Variants in PRKG1 observed in about 807,000 individuals in gnomAD.
The protein encoded by PRKG1 is protein kinase cGMP-dependent 1.
In PRKG1, 35 loss-of-function variants were observed where a neutral mutation model predicts 88.1. The observed-to-expected ratio is 0.40, with a 90% CI of 0.30 to 0.53. The LOEUF (loss-of-function observed/expected upper bound fraction) is 0.53. Among genes scored for constraint, PRKG1 ranks in the 20% least tolerant of loss-of-function variants. PRKG1 has a pLI of 0.59. For missense variants in PRKG1, 540 were observed against 839.8 expected, an observed-to-expected ratio of 0.64 and a Z score of 4.41; for synonymous variants, 303 against 292.5, an observed-to-expected ratio of 1.04 and a Z score of -0.37.
intron 7 of PRKG1, among the ~76,000 whole-genome samples, chr10:52,104,763 T>G (rs575276060): frequency 6.6e-6 from 1 of 152,208 alleles, no homozygotes; most frequent in Non-Finnish European, 1.5e-5. Flanking sequence ...TATTAATTAC[T>G]CTATTAATTT....
chr10:51,927,878 T>C (rs1259001884), intron 5 of PRKG1, among the ~76,000 whole-genome samples: 3 of 152,214 alleles, frequency 2.0e-5, no homozygotes, highest in Non-Finnish European at 4.4e-5. Flanking sequence ...TGGTTTTATA[T>C]GAAGTTTTTG....
At chr10:51,983,512 A>C (rs74132877) in intron 5 of PRKG1, among the ~76,000 whole-genome samples, 14,364 of 152,204 alleles carry the variant, frequency 0.094, 1,829 homozygotes, top group African/African-American at 0.28. Flanking sequence ...CAGCAGACCA[A>C]GGGGTGCTTA....
intron 2 of PRKG1, among the ~76,000 whole-genome samples, chr10:51,198,540 T>C (rs112624993): frequency 0.017 from 2,542 of 152,312 alleles, 32 homozygotes; most frequent in Non-Finnish European, 0.027. Flanking sequence ...TTAAAAACAG[T>C]GTTGTATTTC....
At chr10:51,469,220 T>C (rs1839983280) in intron 3 of PRKG1, among the ~76,000 whole-genome samples, 1 of 151,906 alleles carries the variant, frequency 6.6e-6, no homozygotes, top group Admixed American at 6.6e-5. Context: ...TGCTTCATTT[T>C]CATGAGAAAT....
intron 3 of PRKG1, among the ~76,000 whole-genome samples, chr10:51,693,346 T>C (rs142661158): frequency 1.1e-3 from 171 of 151,842 alleles, no homozygotes; most frequent in Non-Finnish European, 2.0e-3. Flanking sequence ...TTTAATAGTA[T>C]TTAATAAGCA....
chr10:51,242,895 A>G (rs542993994), intron 2 of PRKG1, among the ~76,000 whole-genome samples: 133 of 152,320 alleles, frequency 8.7e-4, no homozygotes, highest in African/African-American at 2.9e-3. Context: ...GAGTTTACTA[A>G]GACAGATTAT....
At chr10:51,211,787 T>C (rs1429922909) in intron 2 of PRKG1, among the ~76,000 whole-genome samples, 1 of 151,928 alleles carries the variant, frequency 6.6e-6, no homozygotes, top group Admixed American at 6.6e-5. Flanking sequence ...TCAAGGAGAA[T>C]TACAAACCAC....
At chr10:52,106,854 T>G (rs535770500) in intron 7 of PRKG1, among the ~76,000 whole-genome samples, 1 of 152,140 alleles carries the variant, frequency 6.6e-6, no homozygotes, top group South Asian at 2.1e-4. Context: ...GTGCCTTTAT[T>G]ATAGTGATAT....
intron 4 of PRKG1, among the ~76,000 whole-genome samples, chr10:51,888,601 C>A (rs1841632928): frequency 6.6e-6 from 1 of 152,174 alleles, no homozygotes. Context: ...AGGAGACAAA[C>A]AATGCAGGGT....
intron 10 of PRKG1, among the ~76,000 whole-genome samples, chr10:52,267,755 G>T (rs959087843): frequency 6.6e-6 from 1 of 151,836 alleles, no homozygotes; most frequent in Non-Finnish European, 1.5e-5. Context: ...ATATGTCTTG[G>T]TTATTTTTCC....
intron 4 of PRKG1, among the ~76,000 whole-genome samples, chr10:51,831,311 T>C (rs1840001131): frequency 6.6e-6 from 1 of 151,942 alleles, no homozygotes; most frequent in Admixed American, 6.6e-5. Context: ...TGGTAGAAAA[T>C]GTAGAAACTA....
At chr10:51,198,573 A>G (rs1837832463) in intron 2 of PRKG1, among the ~76,000 whole-genome samples, 1 of 152,220 alleles carries the variant, frequency 6.6e-6, no homozygotes, top group African/African-American at 2.4e-5. Context: ...TTTATGTACA[A>G]TTGATAAAGT....
At chr10:51,267,026 AC>A (rs1301836917) in intron 2 of PRKG1, among the ~76,000 whole-genome samples, 2 of 152,194 alleles carry the variant, frequency 1.3e-5, no homozygotes, top group Non-Finnish European at 2.9e-5. Context: ...TTGAAGAATC[AC>A]AATCAATGCT....
intron 5 of PRKG1, among the ~76,000 whole-genome samples, chr10:51,948,553 T>C (rs28482232): frequency 0.15 from 10,511 of 68,728 alleles, 968 homozygotes; most frequent in African/African-American, 0.42. Flanking sequence ...TGTGTGCGTG[T>C]GTGTGTGTGT....
At chr10:51,300,829 C>T (rs1244629418) in intron 2 of PRKG1, among the ~76,000 whole-genome samples, 1 of 152,224 alleles carries the variant, frequency 6.6e-6, no homozygotes, top group Non-Finnish European at 1.5e-5. Flanking sequence ...TTACCCATTC[C>T]TGATGTGTTG....
At chr10:51,830,098 G>A (rs1222001616) in intron 4 of PRKG1, among the ~76,000 whole-genome samples, 1 of 152,058 alleles carries the variant, frequency 6.6e-6, no homozygotes, top group Non-Finnish European at 1.5e-5. Flanking sequence ...GGAGAGTAGG[G>A]TGTCTGTGGA....
At chr10:51,893,115 G>C (rs1234478484) in intron 4 of PRKG1, among the ~76,000 whole-genome samples, 2 of 152,148 alleles carry the variant, frequency 1.3e-5, no homozygotes, top group South Asian at 4.1e-4. Flanking sequence ...TTAATAAAGT[G>C]TGTGATTAGT....
At chr10:52,098,245 C>T (rs1216961902) in intron 7 of PRKG1, among the ~76,000 whole-genome samples, 1 of 151,882 alleles carries the variant, frequency 6.6e-6, no homozygotes, top group Non-Finnish European at 1.5e-5. Context: ...TTTTGATAGC[C>T]CTTTGTTCCT....
At chr10:51,215,066 C>A (rs1838335220) in intron 2 of PRKG1, among the ~76,000 whole-genome samples, 1 of 152,174 alleles carries the variant, frequency 6.6e-6, no homozygotes. Flanking sequence ...TCAGGGACAG[C>A]AATCCTATCA....
Sources: gnomAD v4.1 joint callset for allele counts (sites outside exome capture counted in the v4.1 genomes callset) on GRCh38, gnomAD v4.1.1 for gene constraint, MANE v1.5 for transcripts, NCBI Gene and HGNC (gene_info 2026-07-23, HGNC 2026-07-21) for gene names.